The following EPHA6 variants were observed in gnomAD, a reference collection of about 807,000 sequenced individuals.
EPHA6 encodes EPH receptor A6.
Under a neutral mutation model 112.0 loss-of-function variants are expected in EPHA6, and 50 were observed. The ratio of observed to expected loss-of-function variants is 0.45; its 90% CI spans 0.36 to 0.56. The LOEUF is 0.56. Among genes scored for constraint, EPHA6 ranks in the 20% least tolerant of loss-of-function variants. EPHA6 has a pLI of 0.00. For synonymous variants in EPHA6, 529 were observed against 490.7 expected, an observed-to-expected ratio of 1.08 and a Z score of -1.03; for missense variants, 1,280 against 1,417.4, an observed-to-expected ratio of 0.90 and a Z score of 1.56.
At chr3:97,008,403 T>C (rs1435804036) in intron 3 of EPHA6, among the ~76,000 whole-genome samples, 1 of 152,238 alleles carries the variant, frequency 6.6e-6, no homozygotes, top group East Asian at 1.9e-4. Context: ...ATTTGGCTGT[T>C]GATACTTGTG....
intron 5 of EPHA6, among the ~76,000 whole-genome samples, chr3:97,358,550 G>T (rs2084201409): frequency 6.6e-6 from 1 of 151,436 alleles, no homozygotes; most frequent in East Asian, 1.9e-4. Flanking sequence ...TAGTGTATTA[G>T]TACTTAAATC....
At chr3:97,058,592 A>T (rs1002447150) in intron 3 of EPHA6, among the ~76,000 whole-genome samples, 2 of 152,156 alleles carry the variant, frequency 1.3e-5, no homozygotes, top group African/African-American at 4.8e-5. Context: ...GTGAGCCACC[A>T]TGCCCGGCCT....
chr3:97,670,049 C>T (rs542765306), intron 14 of EPHA6, among the ~76,000 whole-genome samples: 1 of 152,228 alleles, frequency 6.6e-6, no homozygotes, highest in African/African-American at 2.4e-5. Context: ...ATTTTCTCTT[C>T]AATAAATACC....
intron 3 of EPHA6, among the ~76,000 whole-genome samples, chr3:97,070,029 C>T (rs1232702236): frequency 1.3e-5 from 2 of 152,098 alleles, no homozygotes; most frequent in Non-Finnish European, 2.9e-5. Context: ...ATAGATGCGG[C>T]ATGACTGATT....
intron 14 of EPHA6, among the ~76,000 whole-genome samples, chr3:97,688,918 G>A (rs548644268): frequency 3.3e-5 from 5 of 152,118 alleles, no homozygotes; most frequent in African/African-American, 4.8e-5. Context: ...AAATATCTTT[G>A]TATTTTTAAG....
chr3:97,746,747 A>G (rs1489926445), intron 16 of EPHA6, among the ~76,000 whole-genome samples: 1 of 151,818 alleles, frequency 6.6e-6, no homozygotes, highest in African/African-American at 2.4e-5. Flanking sequence ...ACCCAACCTA[A>G]CATTGATTTT....
chr3:96,939,164 T>C (rs2040785892), intron 2 of EPHA6, among the ~76,000 whole-genome samples: 1 of 152,224 alleles, frequency 6.6e-6, no homozygotes, highest in Non-Finnish European at 1.5e-5. Flanking sequence ...TTGATTGGAA[T>C]AGTTTCAGAA....
chr3:97,150,535 G>C (rs1193517772), intron 3 of EPHA6, among the ~76,000 whole-genome samples: 1 of 152,012 alleles, frequency 6.6e-6, no homozygotes, highest in Admixed American at 6.6e-5. Context: ...CTGTTCCTCA[G>C]TCCACTAAGT....
At chr3:97,689,421 TA>T (rs2032493630) in intron 14 of EPHA6, among the ~76,000 whole-genome samples, 1 of 152,190 alleles carries the variant, frequency 6.6e-6, no homozygotes, top group Admixed American at 6.5e-5. Flanking sequence ...GCTAGATATA[TA>T]AAAATTAATT....
chr3:97,251,896 G>C (rs1310278065), intron 5 of EPHA6, among the ~76,000 whole-genome samples: 2 of 151,966 alleles, frequency 1.3e-5, no homozygotes, highest in East Asian at 3.9e-4. Flanking sequence ...CTCTCAACTT[G>C]GCACAATGTT....
chr3:97,592,640 G>T lies in EPHA6; in HGVS notation c.2415G>T (p.Ala805=). 1 of 1,613,402 alleles carries T rather than the reference G, an allele frequency of 6.2e-7. No homozygotes were observed. Among genetic ancestry groups the T allele is most frequent in the Non-Finnish European group, 8.5e-7 (1 of 1,179,646 alleles). The change falls in exon 12 of 18, where the codon GCG becomes GCT. Residue 805 remains alanine, a synonymous_variant. Coordinates refer to ENST00000389672, the MANE Select transcript of EPHA6 (RefSeq NM_001080448.3). ...CCTTCCCGGCCATTGGGGTGGAGGC[G>T]TTTTGCCCCAGCTTCCTGAGGGCAG... ...KRSFPAIGVE[A]FCPSFLRAGF...
intron 5 of EPHA6, among the ~76,000 whole-genome samples, chr3:97,327,969 A>G (rs1450757781): frequency 2.1e-5 from 3 of 140,036 alleles, no homozygotes; most frequent in African/African-American, 8.8e-5. Flanking sequence ...GTGTATATAT[A>G]TGTATATGTG....
At chr3:97,232,601 G>C (rs2078561215) in intron 4 of EPHA6, among the ~76,000 whole-genome samples, 1 of 152,142 alleles carries the variant, frequency 6.6e-6, no homozygotes, top group Non-Finnish European at 1.5e-5. Flanking sequence ...CCTCCTCATA[G>C]GAAAGAATTT....
intron 3 of EPHA6, among the ~76,000 whole-genome samples, chr3:97,187,246 T>G (rs906102592): frequency 3.9e-5 from 6 of 152,004 alleles, no homozygotes; most frequent in African/African-American, 1.4e-4. Flanking sequence ...ATAGAAAAAT[T>G]AGAATAATGT....
intron 14 of EPHA6, among the ~76,000 whole-genome samples, chr3:97,645,023 A>T (rs1036060457): frequency 6.6e-6 from 1 of 152,044 alleles, no homozygotes; most frequent in Non-Finnish European, 1.5e-5. Flanking sequence ...ATGAACATTG[A>T]TGCAAAAATC....
chr3:97,468,785 T>C (rs576604381), intron 7 of EPHA6, among the ~76,000 whole-genome samples: 1 of 151,770 alleles, frequency 6.6e-6, no homozygotes, highest in East Asian at 1.9e-4. Flanking sequence ...TAGAATGTGA[T>C]TTTTATCTCT....
intron 3 of EPHA6, among the ~76,000 whole-genome samples, chr3:97,019,014 C>T (rs896339164): frequency 6.6e-6 from 1 of 152,110 alleles, no homozygotes; most frequent in African/African-American, 2.4e-5. Flanking sequence ...CCCCTCAGCT[C>T]CTATCTCTGT....
chr3:97,677,344 A>G (rs1344417225), intron 14 of EPHA6, among the ~76,000 whole-genome samples: 11 of 152,180 alleles, frequency 7.2e-5, no homozygotes, highest in Admixed American at 5.9e-4. Flanking sequence ...TGTGCTTGCT[A>G]GAAAATTGAC....
At position 97,087,412 on chromosome 3, in the gene EPHA6, A is replaced by G. The variant is rs905751311; in HGVS notation, c.1114+99419A>G. Among the ~76,000 whole-genome samples the G allele has an allele frequency of 1.8e-4, 28 of 152,150 alleles. 1 individual carries two copies. The highest frequency in any genetic ancestry group is 6.5e-4 in the Admixed American group (10 of 15,272). ...GACATGATGATCTAACCAAAAAGAC[A>G]TGGCTGATGAGAACCTTCCTTGAAC... On this transcript the variant is annotated intron_variant, in intron 3 of 17. Transcript: ENST00000389672.
Sources: allele counts gnomAD v4.1 joint callset (sites outside exome capture counted in the v4.1 genomes callset), GRCh38; gene constraint gnomAD v4.1.1; transcripts MANE v1.5; gene names NCBI Gene and HGNC (gene_info 2026-07-23, HGNC 2026-07-21).